The following TMEM26 variants were observed in gnomAD, a reference collection of about 807,000 sequenced individuals.
The protein encoded by TMEM26 is transmembrane protein 26.
Under a neutral mutation model 28.8 loss-of-function variants are expected in TMEM26, and 38 were observed. That is an observed-to-expected ratio of 1.32 (90% CI 1.02 to 1.73). The LOEUF is 1.73. TMEM26 is among the 40% of genes most tolerant of loss of function. The pLI is 0.00. For synonymous variants in TMEM26, 227 were observed against 182.9 expected (o/e 1.24, Z -1.95); for missense variants, 518 against 447.1 (o/e 1.16, Z -1.43).
At chr10:61,412,132 G>C (rs1839577568) in intron 5 of TMEM26, among the ~76,000 whole-genome samples, 1 of 152,126 alleles carries the variant, frequency 6.6e-6, no homozygotes. Flanking sequence ...GGCTCCCAAA[G>C]GACCTTCTAA....
chr10:61,443,134 A>T (rs964990925), intron 1 of TMEM26, among the ~76,000 whole-genome samples: 7 of 152,078 alleles, frequency 4.6e-5, no homozygotes, highest in Admixed American at 4.6e-4. Flanking sequence ...TGGAAAATTG[A>T]ATATAAATGA....
intron 1 of TMEM26, among the ~76,000 whole-genome samples, chr10:61,446,229 C>T (rs576008408): frequency 6.6e-6 from 1 of 152,274 alleles, no homozygotes; most frequent in East Asian, 1.9e-4. Flanking sequence ...GAAGAAGACT[C>T]TTGTCCTAAA....
Position 61,410,085 on chromosome 10 carries a change from G to A in TMEM26, c.*237C>T. On this transcript the variant is annotated 3_prime_UTR_variant, in exon 6 of 6. Coordinates refer to ENST00000399298, the MANE Select transcript of TMEM26 (RefSeq NM_178505.8). ...CAGTTCAAGACAAACAAATCACTTA[G>A]TCGTTGAACAACTATAACATCTGAT... is the stretch of plus-strand genomic sequence containing the variant. 1 of 544,346 alleles carries A rather than the reference G, an allele frequency of 1.8e-6. No homozygotes were observed. The highest frequency in any genetic ancestry group is 3.3e-6 in the Non-Finnish European group (1 of 307,152). 33.7% of individuals were successfully genotyped at this position (544,346 alleles called of 1,614,324 possible).
intron 2 of TMEM26, among the ~76,000 whole-genome samples, 200 bp downstream of exon 2, chr10:61,435,970 A>G (rs1463103240): frequency 6.6e-6 from 1 of 152,206 alleles, no homozygotes; most frequent in African/African-American, 2.4e-5. Context: ...TAAATCTTAC[A>G]TAAATGTAAT....
At chr10:61,410,806 T>C in intron 5 of TMEM26, 60 bp from the exon 6 acceptor site, 1 of 1,527,384 alleles carries the variant, frequency 6.5e-7, no homozygotes, top group Non-Finnish European at 8.9e-7. Context: ...TATAAGACAA[T>C]GCCATGGGGA....
Position 61,410,230 on chromosome 10 carries a change from A to G in TMEM26, c.*92T>C. 2 of 1,348,248 alleles carry G rather than the reference A, an allele frequency of 1.5e-6. No individual in the cohort carries two copies. Among genetic ancestry groups the G allele is most frequent in the Non-Finnish European group, 2.0e-6 (2 of 998,650 alleles). 83.5% of individuals were successfully genotyped at this position (1,348,248 alleles called of 1,614,324 possible). On this transcript the variant is annotated 3_prime_UTR_variant, in exon 6 of 6. Coordinates refer to ENST00000399298, the MANE Select transcript of TMEM26 (RefSeq NM_178505.8). ...TTTTTATGTTGTTCTTTTGAAAATT[A>G]TTATACGCCAAGGTTGGAGGAGAAA...
At position 61,453,161 on chromosome 10, in the gene TMEM26, G is replaced by GC. The variant is rs1840322749; in HGVS notation, c.-81dup. The stretch of plus-strand genomic sequence containing the variant: ...GGGCGTGCCCGGAGCCCACCGGTGA[G>GC]CAGGAATATGACAAGCACTGAGACC... On this transcript the variant is annotated 5_prime_UTR_variant, in exon 1 of 6. Transcript: ENST00000399298. 8 of 1,452,366 alleles carry GC rather than the reference G, an allele frequency of 5.5e-6. No homozygotes were observed. The highest frequency in any genetic ancestry group is 6.6e-6 in the Non-Finnish European group (7 of 1,061,756). 90.0% of individuals were successfully genotyped at this position (1,452,366 alleles called of 1,614,324 possible). A position where few individuals can be genotyped will look rare whatever the true frequency, so the allele number is the denominator to read the frequency against.
intron 4 of TMEM26, among the ~76,000 whole-genome samples, chr10:61,421,162 T>G (rs1839740709): frequency 6.6e-6 from 1 of 151,932 alleles, no homozygotes; most frequent in Non-Finnish European, 1.5e-5. Context: ...AATTTTAAAA[T>G]GTATATTGTA....
chr10:61,446,551 T>C (rs1044350275), intron 1 of TMEM26, among the ~76,000 whole-genome samples: 2 of 152,070 alleles, frequency 1.3e-5, no homozygotes, highest in African/African-American at 4.8e-5. Flanking sequence ...CCAGGCGCGA[T>C]GGCTCACGCC....
rs1284796056 is a variant in TMEM26 at position 61,408,250 on chromosome 10, A to C, written c.*2072T>G. On this transcript the variant is annotated 3_prime_UTR_variant, in exon 6 of 6. Transcript: ENST00000399298. The stretch of plus-strand genomic sequence containing the variant: ...TGCTCTTTGACTTCCTGACCCTCTA[A>C]ATAAAGCTAGACTTTGGACAGGCTT... The C allele has an allele frequency of 6.6e-6, 1 of 152,166 alleles. No homozygotes were observed. Among genetic ancestry groups the C allele is most frequent in the East Asian group, 1.9e-4 (1 of 5,190 alleles). The allele number at this position is 152,166 out of a possible 1,614,324, so 9.4% of individuals were successfully genotyped here.
intron 1 of TMEM26, among the ~76,000 whole-genome samples, chr10:61,444,499 T>C (rs1470316977): frequency 6.6e-6 from 1 of 152,068 alleles, no homozygotes; most frequent in African/African-American, 2.4e-5. Context: ...CTCCCTTTTA[T>C]GTCCTGTTTT....
At chr10:61,421,627 G>A (rs1445458772) in intron 4 of TMEM26, among the ~76,000 whole-genome samples, 1 of 152,094 alleles carries the variant, frequency 6.6e-6, no homozygotes, top group Non-Finnish European at 1.5e-5. Context: ...GGGAGAAACT[G>A]GAGTGATATA....
intron 4 of TMEM26, chr10:61,414,288 A>G (rs1839615599): frequency 6.5e-6 from 1 of 153,646 alleles, no homozygotes; most frequent in African/African-American, 2.4e-5. Context: ...GATATTAAAC[A>G]GGGTCACATT....
intron 4 of TMEM26, among the ~76,000 whole-genome samples, chr10:61,418,222 A>C (rs1767829952): frequency 6.6e-6 from 1 of 152,078 alleles, no homozygotes; most frequent in Admixed American, 6.6e-5. Context: ...CTACTGGAAA[A>C]GTACTGGAGA....
At chr10:61,419,827 T>C (rs1239752135) in intron 4 of TMEM26, among the ~76,000 whole-genome samples, 2 of 151,918 alleles carry the variant, frequency 1.3e-5, no homozygotes. Flanking sequence ...TGTAAGAAGA[T>C]CAACAAAGCC....
chr10:61,436,253 G>GA lies in TMEM26; in HGVS notation c.192-6dup. ...AAAAATATGGCTGGTGAAAACCTGT[G>GA]AAAAGAGAGAAGAAAAAATAGTTTA... is the stretch of plus-strand genomic sequence containing the variant. On this transcript the variant is annotated splice_region_variant and splice_polypyrimidine_tract_variant and intron_variant, in intron 1 of 5. Coordinates refer to ENST00000399298, the MANE Select transcript of TMEM26 (RefSeq NM_178505.8). The GA allele has an allele frequency of 6.6e-7, 1 of 1,518,434 alleles. No homozygotes were observed. The highest frequency in any genetic ancestry group is 8.9e-7 in the Non-Finnish European group (1 of 1,127,240). The allele number at this position is 1,518,434 out of a possible 1,614,324, so 94.1% of individuals were successfully genotyped here.
In TMEM26 at chr10:61,407,641, G is replaced by T. The variant is rs1839512902; in HGVS notation, c.*2681C>A. 4 of 152,126 alleles carry T rather than the reference G, an allele frequency of 2.6e-5. No individual in the cohort carries two copies. The highest frequency in any genetic ancestry group is 2.0e-4 in the Admixed American group (3 of 15,264). The allele number at this position is 152,126 out of a possible 1,614,324, so 9.4% of individuals were successfully genotyped here. ...CACATTGTGTTTTCTTTCACAAGTG[G>T]AATGACATGTTTTTAGGAAGGATAT... On this transcript the variant is annotated 3_prime_UTR_variant, in exon 6 of 6. Transcript: ENST00000399298.
intron 1 of TMEM26, among the ~76,000 whole-genome samples, chr10:61,451,125 C>T (rs997126425): frequency 2.6e-5 from 4 of 152,274 alleles, no homozygotes; most frequent in Admixed American, 6.5e-5. Flanking sequence ...ACTAGTATAT[C>T]CCCAGTTCCC....
chr10:61,452,941 GA>G lies in TMEM26; in HGVS notation c.140del (p.Phe47SerfsTer27). On this transcript the variant is annotated frameshift_variant, in exon 1 of 6. Transcript: ENST00000399298. LOFTEE classifies it high-confidence loss of function. ...ACTTGAGGGTGAGCGCAGTCTCCAG[GA>G]AGAGCAAGAGGTTGAGCAGCGCAAG... ...WLLALLNLLL[F>X]LETALTLKFK... is the part of the protein sequence containing the mutation. The G allele has an allele frequency of 6.2e-7, 1 of 1,614,066 alleles. No homozygotes were observed. Among genetic ancestry groups the G allele is most frequent in the Non-Finnish European group, 8.5e-7 (1 of 1,180,014 alleles).
Sources: gnomAD v4.1 joint callset for allele counts (sites outside exome capture counted in the v4.1 genomes callset) on GRCh38, gnomAD v4.1.1 for gene constraint, MANE v1.5 for transcripts, NCBI Gene and HGNC (gene_info 2026-07-23, HGNC 2026-07-21) for gene names.